SERF2: variants seen among roughly 807,000 people sequenced by gnomAD.
SERF2 encodes the protein small EDRK-rich factor 2.
Under a neutral mutation model 10.7 loss-of-function variants are expected in SERF2, and 4 were observed. The observed-to-expected ratio is 0.37, with a 90% CI of 0.18 to 0.86. The LOEUF is 0.86. Ranked by LOEUF, SERF2 falls within the 40% of genes least tolerant of loss-of-function variation. The probability of loss-of-function intolerance (pLI) is 0.43; values close to 1 mark genes in which losing one functional copy is unlikely to be tolerated. For synonymous variants in SERF2, 26 were observed against 26.0 expected, an observed-to-expected ratio of 1.00 and a Z score of 0.01; for missense variants, 47 against 79.1, an observed-to-expected ratio of 0.59 and a Z score of 1.54.
At chr15:43,792,281 G>C, upstream of SERF2, 1 of 1,110,036 alleles carries the variant, frequency 9.0e-7, no homozygotes, top group South Asian at 1.2e-5. Context: ...GGGAGGAAAG[G>C]AACGACTGTG....
intron 1 of SERF2, chr15:43,792,729 GC>G (rs2087094278): frequency 1.1e-6 from 1 of 910,800 alleles, no homozygotes; most frequent in South Asian, 1.9e-5. Context: ...TGGGCCCCAC[GC>G]CGCCCCAAAA....
chr15:43,780,232 C>G (rs1442107851), intron 1 of SERF2, among the ~76,000 whole-genome samples: 1 of 152,052 alleles, frequency 6.6e-6, no homozygotes. Flanking sequence ...CTCTGCCTCC[C>G]AGGTTCACGC....
chr15:43,779,098 G>A (rs2086945960), intron 1 of SERF2, among the ~76,000 whole-genome samples: 1 of 152,216 alleles, frequency 6.6e-6, no homozygotes, highest in African/African-American at 2.4e-5. Context: ...TTGAGGTCAT[G>A]AGATCTATTC....
upstream of SERF2, among the ~76,000 whole-genome samples, chr15:43,791,598 G>C: frequency 6.6e-6 from 1 of 152,220 alleles, no homozygotes; most frequent in East Asian, 1.9e-4. Context: ...AAGCTCCAGA[G>C]GGGAAAAGCG....
chr15:43,786,129 T>G (rs1184320767), intron 2 of SERF2, among the ~76,000 whole-genome samples: 1 of 151,656 alleles, frequency 6.6e-6, no homozygotes, highest in Non-Finnish European at 1.5e-5. Flanking sequence ...AAAAAGCTGG[T>G]TGAAGGCCAG....
At chr15:43,778,726 C>A (rs2086942880) in intron 1 of SERF2, among the ~76,000 whole-genome samples, 1 of 151,198 alleles carries the variant, frequency 6.6e-6, no homozygotes, top group Admixed American at 6.6e-5. Flanking sequence ...ATGGTGAAAC[C>A]CTGTCTCTAC....
At chr15:43,790,929 A>AT (rs1352371011), upstream of SERF2, among the ~76,000 whole-genome samples, 5,308 of 136,154 alleles carry the variant, frequency 0.039, 177 homozygotes, top group African/African-American at 0.1. Flanking sequence ...ACACCCAGCT[A>AT]TTTTTTTTTT....
chr15:43,779,116 G>C (rs1020062329), intron 1 of SERF2, among the ~76,000 whole-genome samples: 10 of 152,190 alleles, frequency 6.6e-5, no homozygotes, highest in African/African-American at 2.4e-4. Flanking sequence ...TTCAGGATTA[G>C]CTAAAGCCTA....
At chr15:43,786,667 C>A (rs984359628) in intron 2 of SERF2, among the ~76,000 whole-genome samples, 1 of 152,156 alleles carries the variant, frequency 6.6e-6, no homozygotes, top group African/African-American at 2.4e-5. Flanking sequence ...GTAGTTCCCA[C>A]ACCAGGAAAC....
At position 43,795,445 on chromosome 15, in the gene SERF2, T is replaced by C. The variant is rs934734473; in HGVS notation, c.*1672T>C. On this transcript the variant is annotated 3_prime_UTR_variant, in exon 3 of 3. Coordinates refer to ENST00000249786, the MANE Select transcript of SERF2 (RefSeq NM_001018108.4). ...GAGTGAGGCAAGGAAGAAGACGAAG[T>C]GGAAGGCAGAATAGTTGTAGGAAAG... is the stretch of plus-strand genomic sequence containing the variant. The C allele has an allele frequency of 3.7e-6, 6 of 1,614,042 alleles. No homozygotes were observed. Among genetic ancestry groups the C allele is most frequent in the Non-Finnish European group, 5.1e-6 (6 of 1,180,008 alleles).
Position 43,795,337 on chromosome 15 carries a change from C to G in SERF2, c.*1564C>G, listed in dbSNP as rs1268084367. 6.2e-7 allele frequency: 1 copy of G among 1,609,170 alleles called. No homozygotes were observed. The highest frequency in any genetic ancestry group is 8.5e-7 in the Non-Finnish European group (1 of 1,176,020). ...TGGAATGGCCTTGAATTGCTCTTTC[C>G]TTAAAATAGCTAGCTCTTCAGGAGA... On this transcript the variant is annotated 3_prime_UTR_variant, in exon 3 of 3. Transcript: ENST00000249786.
upstream of SERF2, among the ~76,000 whole-genome samples, chr15:43,791,131 T>G (rs904007143): frequency 2.6e-5 from 4 of 151,796 alleles, no homozygotes; most frequent in Admixed American, 6.6e-5. Context: ...TAGAGTGCAG[T>G]GGTGCGATCT....
chr15:43,783,773 T>TG (rs1475921545), intron 1 of SERF2, among the ~76,000 whole-genome samples: 1 of 151,690 alleles, frequency 6.6e-6, no homozygotes, highest in Non-Finnish European at 1.5e-5. Flanking sequence ...CTAATTTTTT[T>TG]TTTTTTGAAA....
intron 1 of SERF2, among the ~76,000 whole-genome samples, chr15:43,783,774 T>G (rs1315642049): frequency 1.3e-5 from 2 of 151,706 alleles, no homozygotes; most frequent in African/African-American, 4.8e-5. Flanking sequence ...TAATTTTTTT[T>G]TTTTTGAAAT....
In SERF2 at chr15:43,780,296, C is replaced by T. The variant is rs893443819; in HGVS notation, c.-527+2794C>T. ...CTGAGACTACAGGCGCCCGCCACCA[C>T]GCCCGGCTAATTTTTTGTATTTTTT... On this transcript the variant is annotated intron_variant, in intron 1 of 4. Coordinates refer to the SERF2 transcript ENST00000381359. Among the ~76,000 whole-genome samples the T allele has an allele frequency of 1.3e-4, 20 of 149,134 alleles. No homozygotes were observed. The East Asian group carries it at 2.4e-3, about 18-fold the overall frequency.
chr15:43,782,719 T>A lies in SERF2; in HGVS notation c.-526-2691T>A, dbSNP rs1457521607. On this transcript the variant is annotated intron_variant, in intron 1 of 4. Coordinates refer to the SERF2 transcript ENST00000381359. Reference sequence around the variant, plus strand: ...CACTTTTTCCTGGATCCTGTAACTTTTTTCTTGGCTTACTCCCTCATTTTG... The same window carrying A: ...CACTTTTTCCTGGATCCTGTAACTTATTTCTTGGCTTACTCCCTCATTTTG... Among the ~76,000 whole-genome samples, 4 of 152,228 alleles carry A rather than the reference T, an allele frequency of 2.6e-5. No homozygotes were observed. In the East Asian group the frequency reaches 7.7e-4, roughly 29 times the overall value.
Position 43,795,086 on chromosome 15 carries a change from G to A in SERF2, c.*1313G>A, listed in dbSNP as rs2087174077. 1 of 1,613,636 alleles carries A rather than the reference G, an allele frequency of 6.2e-7. No homozygotes were observed. Among genetic ancestry groups the A allele is most frequent in the African/African-American group, 1.3e-5 (1 of 74,990 alleles). ...AGGGGCTGGGGTTTCTGGGTGGGGG[G>A]CCAACAGAGTGGTGCCAGTAACAGC... is the stretch of plus-strand genomic sequence containing the variant. On this transcript the variant is annotated 3_prime_UTR_variant, in exon 3 of 3. Transcript: ENST00000249786.
At position 43,793,959 on chromosome 15, in the gene SERF2, A is replaced by G. The variant is rs532242547; in HGVS notation, c.*186A>G. On this transcript the variant is annotated 3_prime_UTR_variant, in exon 3 of 3. Coordinates refer to ENST00000249786, the MANE Select transcript of SERF2 (RefSeq NM_001018108.4). ...CAGGTAGCCTCTCTCCCCCTGGGCCACTCCCGGGGGTGAGGGGGTTACCCC... is the reference window on the plus strand; with the variant it reads ...CAGGTAGCCTCTCTCCCCCTGGGCCGCTCCCGGGGGTGAGGGGGTTACCCC... 9.5e-5 allele frequency: 146 copies of G among 1,543,610 alleles called. 1 individual carries two copies. The Admixed American group carries it at 1.6e-3, about 17-fold the overall frequency.
chr15:43,779,916 G>C (rs1025123082), intron 1 of SERF2, among the ~76,000 whole-genome samples: 1 of 152,146 alleles, frequency 6.6e-6, no homozygotes, highest in East Asian at 1.9e-4. Context: ...AGAAATAACA[G>C]ATATTTTCAT....
Sources: allele counts gnomAD v4.1 joint callset (sites outside exome capture counted in the v4.1 genomes callset), GRCh38; gene constraint gnomAD v4.1.1; transcripts MANE v1.5; gene names NCBI Gene and HGNC (gene_info 2026-07-23, HGNC 2026-07-21).